Variants in PRTFDC1 observed in about 807,000 individuals in gnomAD.
PRTFDC1 encodes the protein phosphoribosyltransferase domain-containing protein 1.
Under a neutral mutation model 34.6 loss-of-function variants are expected in PRTFDC1, and 38 were observed. The observed-to-expected ratio is 1.10, with a 90% CI of 0.85 to 1.44. The LOEUF is 1.44. Ranked by LOEUF, PRTFDC1 falls within the 40% of genes most tolerant of loss-of-function variation. The probability of loss-of-function intolerance (pLI) is 0.00; values close to 1 mark genes in which losing one functional copy is unlikely to be tolerated. For synonymous variants in PRTFDC1, 93 were observed against 98.1 expected, an observed-to-expected ratio of 0.95 and a Z score of 0.31; for missense variants, 270 against 283.0, an observed-to-expected ratio of 0.95 and a Z score of 0.33.
intron 4 of PRTFDC1, among the ~76,000 whole-genome samples, chr10:24,865,891 T>C (rs1453266404): frequency 6.6e-6 from 1 of 152,186 alleles, no homozygotes; most frequent in Non-Finnish European, 1.5e-5. Flanking sequence ...AAAGGGAATG[T>C]AGTTTAGCAT....
Position 24,849,725 on chromosome 10 carries a change from T to G in PRTFDC1, c.*119A>C. 1 of 875,976 alleles carries G rather than the reference T, an allele frequency of 1.1e-6. No individual in the cohort carries two copies. Among genetic ancestry groups the G allele is most frequent in the South Asian group, 1.6e-5 (1 of 62,322 alleles). The allele number at this position is 875,976 out of a possible 1,614,324, so 54.3% of individuals were successfully genotyped here. ...AAGAAAGCTCTCTCATTTGAACATT[T>G]TTTTCTTTTATATCCTGCTGAGTGA... On this transcript the variant is annotated 3_prime_UTR_variant, in exon 9 of 9. Coordinates refer to ENST00000320152, the MANE Select transcript of PRTFDC1 (RefSeq NM_020200.7).
At chr10:24,909,265 A>G (rs1340099166) in intron 3 of PRTFDC1, among the ~76,000 whole-genome samples, 1 of 152,248 alleles carries the variant, frequency 6.6e-6, no homozygotes, top group African/African-American at 2.4e-5. Context: ...TGAGCAACAC[A>G]GTGAGACTTT....
At chr10:24,850,624 G>A (rs1847468923) in intron 8 of PRTFDC1, among the ~76,000 whole-genome samples, 1 of 152,102 alleles carries the variant, frequency 6.6e-6, no homozygotes, top group Admixed American at 6.6e-5. Flanking sequence ...ACTGTGGAGT[G>A]AGACCCTGTG....
intron 8 of PRTFDC1, 85 bp downstream of exon 8, chr10:24,851,303 G>C: frequency 6.5e-7 from 1 of 1,529,586 alleles, no homozygotes; most frequent in Non-Finnish European, 8.7e-7. Context: ...ATCAATAGCA[G>C]ACATCACTAA....
Position 24,897,646 on chromosome 10 carries a change from A to C in PRTFDC1, c.340-25583T>G, listed in dbSNP as rs557250478. ...CTTTGTAAGCATAACTGTTTTTCCC[A>C]AGAAGTGCAAACTAAAAACACAATG... On this transcript the variant is annotated intron_variant, in intron 3 of 8. Coordinates refer to ENST00000320152, the MANE Select transcript of PRTFDC1 (RefSeq NM_020200.7). Among the ~76,000 whole-genome samples the C allele has an allele frequency of 2.6e-5, 4 of 152,358 alleles. No individual in the cohort carries two copies. In the South Asian group the frequency reaches 8.3e-4, roughly 32 times the overall value.
intron 3 of PRTFDC1, among the ~76,000 whole-genome samples, chr10:24,894,640 C>T (rs969182123): frequency 2.0e-5 from 3 of 152,156 alleles, no homozygotes; most frequent in Non-Finnish European, 4.4e-5. Flanking sequence ...TCCTGCTCTG[C>T]GATCCCCAGG....
intron 4 of PRTFDC1, among the ~76,000 whole-genome samples, chr10:24,868,380 C>G (rs1206891235): frequency 2.2e-4 from 34 of 152,070 alleles, no homozygotes; most frequent in Admixed American, 2.2e-3. Flanking sequence ...CTTAGAGTGC[C>G]AAGCATGAAA....
chr10:24,851,144 C>T (rs1847479644), intron 8 of PRTFDC1, among the ~76,000 whole-genome samples: 1 of 152,166 alleles, frequency 6.6e-6, no homozygotes, highest in South Asian at 2.1e-4. Context: ...CATAGTTCTG[C>T]TTTTAGCTTC....
chr10:24,901,446 T>G (rs1171270138), intron 3 of PRTFDC1, among the ~76,000 whole-genome samples: 2 of 152,104 alleles, frequency 1.3e-5, no homozygotes, highest in African/African-American at 4.8e-5. Context: ...TGTTTTTTAT[T>G]TTAAAGGCTG....
intron 3 of PRTFDC1, among the ~76,000 whole-genome samples, chr10:24,903,846 T>TTAG (rs1848488860): frequency 6.6e-6 from 1 of 150,692 alleles, no homozygotes; most frequent in African/African-American, 2.4e-5. Context: ...AGCTAATTTA[T>TTAG]TATTATTATT....
intron 5 of PRTFDC1, 60 bp downstream of exon 5, chr10:24,858,332 T>G: frequency 1.3e-6 from 2 of 1,570,572 alleles, no homozygotes; most frequent in Non-Finnish European, 1.8e-6. Flanking sequence ...GGTTTACCGT[T>G]TAAAACTCAC....
chr10:24,865,753 A>G (rs1396600726), intron 4 of PRTFDC1, among the ~76,000 whole-genome samples: 2 of 152,216 alleles, frequency 1.3e-5, no homozygotes, highest in African/African-American at 2.4e-5. Flanking sequence ...TGCACACCAC[A>G]CCGTCTCATC....
intron 3 of PRTFDC1, among the ~76,000 whole-genome samples, chr10:24,929,052 A>AAAAAAAAAAAAAAG (rs1554765607): frequency 8.6e-6 from 1 of 116,508 alleles, no homozygotes; most frequent in Non-Finnish European, 1.7e-5. Flanking sequence ...AAAAAAAAAA[A>AAAAAAAAAAAAAAG]AAAGAAAGAA....
intron 3 of PRTFDC1, among the ~76,000 whole-genome samples, chr10:24,876,415 G>A (rs1042195005): frequency 1.3e-5 from 2 of 151,914 alleles, no homozygotes; most frequent in Non-Finnish European, 2.9e-5. Context: ...AAATTTTATG[G>A]CCAAGGGCGG....
In PRTFDC1 at chr10:24,849,592, T is replaced by G. The variant is rs1847446648; in HGVS notation, c.*252A>C. The G allele has an allele frequency of 2.3e-6, 1 of 432,110 alleles. No homozygotes were observed. Among genetic ancestry groups the G allele is most frequent in the Admixed American group, 3.9e-5 (1 of 25,628 alleles). The allele number at this position is 432,110 out of a possible 1,614,324, so 26.8% of individuals were successfully genotyped here. A position where few individuals can be genotyped will look rare whatever the true frequency, so the allele number is the denominator to read the frequency against. On this transcript the variant is annotated 3_prime_UTR_variant, in exon 9 of 9. Transcript: ENST00000320152. ...CGGAGCTCAGGAGTGTGAAGGTAGA[T>G]AGCATTGCTGAGTCACAAGGCGGAG...
intron 1 of PRTFDC1, among the ~76,000 whole-genome samples, chr10:24,946,120 C>T (rs1165811001): frequency 6.6e-6 from 1 of 152,126 alleles, no homozygotes; most frequent in African/African-American, 2.4e-5. Context: ...AACTAGTGGT[C>T]TTCTGAATCC....
At chr10:24,919,126 ATTAG>A (rs998313332) in intron 3 of PRTFDC1, among the ~76,000 whole-genome samples, 6 of 152,242 alleles carry the variant, frequency 3.9e-5, no homozygotes, top group African/African-American at 1.4e-4. Flanking sequence ...ATATATTATT[ATTAG>A]TTTAAGTAAA....
chr10:24,879,100 T>C (rs898348029), intron 3 of PRTFDC1, among the ~76,000 whole-genome samples: 6 of 152,202 alleles, frequency 3.9e-5, no homozygotes, highest in African/African-American at 1.2e-4. Context: ...CTGGCTCGAA[T>C]TGATTTTTTT....
At chr10:24,909,480 G>C (rs1008409287) in intron 3 of PRTFDC1, among the ~76,000 whole-genome samples, 4 of 152,084 alleles carry the variant, frequency 2.6e-5, no homozygotes, top group Non-Finnish European at 5.9e-5. Flanking sequence ...ATTGTATATA[G>C]CCTTTTTTGT....
Sources: gnomAD v4.1 joint callset for allele counts (sites outside exome capture counted in the v4.1 genomes callset) on GRCh38, gnomAD v4.1.1 for gene constraint, MANE v1.5 for transcripts, NCBI Gene and HGNC (gene_info 2026-07-23, HGNC 2026-07-21) for gene names.